DCAF5: variants seen among roughly 807,000 people sequenced by gnomAD.
The protein encoded by DCAF5 is DDB1- and CUL4-associated factor 5.
A neutral mutation model predicts 80.7 loss-of-function variants in DCAF5; 9 were observed. That is an observed-to-expected ratio of 0.11 (90% CI 0.07 to 0.19). DCAF5 has a LOEUF of 0.19. Ranked by LOEUF, DCAF5 falls within the 10% of genes least tolerant of loss-of-function variation. The pLI is 1.00. For synonymous variants in DCAF5, 433 were observed against 461.9 expected, an observed-to-expected ratio of 0.94 and a Z score of 0.80; for missense variants, 842 against 1,205.7, an observed-to-expected ratio of 0.70 and a Z score of 4.47.
At chr14:69,086,215 G>A (rs1003661341) in intron 6 of DCAF5, among the ~76,000 whole-genome samples, 4 of 152,038 alleles carry the variant, frequency 2.6e-5, no homozygotes, top group South Asian at 2.1e-4. Context: ...AAAATTAACC[G>A]GGCGTGGTGG....
chr14:69,153,053 C>G lies in DCAF5; in HGVS notation c.-75G>C. 1 of 1,165,138 alleles carries G rather than the reference C, an allele frequency of 8.6e-7. No individual in the cohort carries two copies. The highest frequency in any genetic ancestry group is 1.1e-6 in the Non-Finnish European group (1 of 880,544). 72.2% of individuals were successfully genotyped at this position (1,165,138 alleles called of 1,614,324 possible). On this transcript the variant is annotated 5_prime_UTR_variant, in exon 1 of 9. Coordinates refer to ENST00000341516, the MANE Select transcript of DCAF5 (RefSeq NM_003861.3). ...CACGCGCGGCCGCTGCTCCCCCCAC[C>G]CGGCCCTCCCCCCGCGCTGCGATCC...
chr14:69,114,255 T>C (rs1420181674), intron 5 of DCAF5, among the ~76,000 whole-genome samples: 4 of 152,164 alleles, frequency 2.6e-5, no homozygotes, highest in Admixed American at 2.6e-4. Flanking sequence ...AAAGTAGGCC[T>C]GGTTATAAAG....
chr14:69,136,499 G>A (rs539278685), intron 1 of DCAF5, among the ~76,000 whole-genome samples: 1 of 152,086 alleles, frequency 6.6e-6, no homozygotes, highest in African/African-American at 2.4e-5. Flanking sequence ...GATACACACA[G>A]ATTTGAGAAA....
Position 69,055,143 on chromosome 14 carries a change from C to T in DCAF5, c.1543G>A (p.Ala515Thr). 1 of 1,614,236 alleles carries T rather than the reference C, an allele frequency of 6.2e-7. No homozygotes were observed. The highest frequency in any genetic ancestry group is 8.5e-7 in the Non-Finnish European group (1 of 1,180,050). The change falls in exon 9 of 9, where the codon GCT becomes ACT. Residue 515 changes from alanine (A) to threonine (T), a missense_variant. By Grantham distance (58) the Ala-to-Thr change is moderately conservative (BLOSUM62 0). This residue lies in a region of DCAF5 where 607 missense variants were observed against 656.6 expected (regional missense o/e 0.92). Transcript: ENST00000341516. The surrounding 1 kb of genome is among the most constrained non-coding windows in gnomAD (Gnocchi z 5.6). Reference sequence around the variant, plus strand: ...CGTTTGTCTTGGTAGCGCCGCAGAGCAGACAGACGCTGCTGGCGAGAGGCT... The same window carrying T: ...CGTTTGTCTTGGTAGCGCCGCAGAGTAGACAGACGCTGCTGGCGAGAGGCT... Reference protein sequence around the residue: ...DAASRQQRLSALRRYQDKRLL... With the variant: ...DAASRQQRLSTLRRYQDKRLL...
chr14:69,076,110 T>C (rs1404760934), intron 6 of DCAF5, among the ~76,000 whole-genome samples: 4 of 150,794 alleles, frequency 2.7e-5, no homozygotes, highest in African/African-American at 9.8e-5. Context: ...TTAGGATGAC[T>C]ATTACCAAAA....
intron 5 of DCAF5, among the ~76,000 whole-genome samples, chr14:69,112,592 TATACACACAC>T (rs986150786): frequency 2.4e-5 from 2 of 84,896 alleles, no homozygotes; most frequent in African/African-American, 1.1e-4. Flanking sequence ...GATATATATG[TATACACACAC>T]ACACACACAC....
intron 7 of DCAF5, among the ~76,000 whole-genome samples, chr14:69,072,404 C>T (rs2139888748): frequency 6.6e-6 from 1 of 151,138 alleles, no homozygotes; most frequent in East Asian, 1.9e-4. Flanking sequence ...TAAAAAAGAA[C>T]AAGAAGGAAG....
intron 1 of DCAF5, among the ~76,000 whole-genome samples, chr14:69,132,101 A>G (rs1206928899): frequency 6.6e-6 from 1 of 152,224 alleles, no homozygotes; most frequent in Non-Finnish European, 1.5e-5. Context: ...CACTATGAAC[A>G]TTAGTGTACA....
At chr14:69,096,434 T>C (rs760081032) in intron 5 of DCAF5, among the ~76,000 whole-genome samples, 1 of 152,244 alleles carries the variant, frequency 6.6e-6, no homozygotes, top group Non-Finnish European at 1.5e-5. Flanking sequence ...TGAATCTCCA[T>C]AAATTTAAGT....
chr14:69,120,184 A>G (rs1566772493), intron 2 of DCAF5, among the ~76,000 whole-genome samples: 1 of 152,084 alleles, frequency 6.6e-6, no homozygotes, highest in Non-Finnish European at 1.5e-5. Flanking sequence ...CCTGTGCTCA[A>G]GCAATCTTCC....
At chr14:69,078,189 C>G (rs934762086) in intron 6 of DCAF5, among the ~76,000 whole-genome samples, 1 of 152,100 alleles carries the variant, frequency 6.6e-6, no homozygotes, top group Non-Finnish European at 1.5e-5. Context: ...AAAGAAAAAA[C>G]AACATGATTT....
At chr14:69,095,057 T>A (rs1206835843) in intron 5 of DCAF5, among the ~76,000 whole-genome samples, 1 of 152,194 alleles carries the variant, frequency 6.6e-6, no homozygotes, top group Non-Finnish European at 1.5e-5. Flanking sequence ...CTCATGTCTG[T>A]TCGCAGAAGG....
chr14:69,122,212 T>C lies in DCAF5; in HGVS notation c.358+5A>G. 1 of 1,611,550 alleles carries C rather than the reference T, an allele frequency of 6.2e-7. No individual in the cohort carries two copies. The highest frequency in any genetic ancestry group is 8.5e-7 in the Non-Finnish European group (1 of 1,178,008). On this transcript the variant is annotated splice_donor_5th_base_variant and intron_variant, in intron 2 of 8. Transcript: ENST00000341516. ...ACGTTCCCAAGGTAGAATCTCCCTT[T>C]TTACCTCCAGAGAACACTTTAGTGT...
chr14:69,077,356 G>A (rs892466093), intron 6 of DCAF5, among the ~76,000 whole-genome samples: 6 of 135,278 alleles, frequency 4.4e-5, no homozygotes, highest in South Asian at 2.6e-4. Flanking sequence ...CATGCACCAC[G>A]ACATGTAGCT....
chr14:69,087,303 C>T (rs1187981369), intron 6 of DCAF5, among the ~76,000 whole-genome samples: 1 of 152,116 alleles, frequency 6.6e-6, no homozygotes, highest in Non-Finnish European at 1.5e-5. Context: ...GCTTAGAAGA[C>T]AGAATGTACC....
chr14:69,058,017 T>C (rs918269163), intron 8 of DCAF5, among the ~76,000 whole-genome samples: 3 of 152,192 alleles, frequency 2.0e-5, no homozygotes, highest in Non-Finnish European at 4.4e-5. Flanking sequence ...TCTCTTTCAT[T>C]TGGCAATTGA....
intron 5 of DCAF5, among the ~76,000 whole-genome samples, chr14:69,100,387 T>C (rs944164943): frequency 5.3e-5 from 8 of 152,058 alleles, no homozygotes; most frequent in Admixed American, 6.5e-5. Context: ...AACTGACCCA[T>C]AGGATTCTGG....
At chr14:69,096,004 A>T (rs2039699375) in intron 5 of DCAF5, among the ~76,000 whole-genome samples, 1 of 152,188 alleles carries the variant, frequency 6.6e-6, no homozygotes, top group African/African-American at 2.4e-5. Flanking sequence ...TCCCCATCAC[A>T]GTTTCTGATT....
chr14:69,091,826 T>C lies in DCAF5; in HGVS notation c.727A>G (p.Ser243Gly), dbSNP rs1594980118. ...LQSAMSVRFN[S>G]NGTQLLALRR... Reference sequence around the variant, plus strand: ...AGGGCCAGGAGCTGGGTCCCGTTGCTGTTGAATCGTACACTCATGGCACTT... The same window carrying C: ...AGGGCCAGGAGCTGGGTCCCGTTGCCGTTGAATCGTACACTCATGGCACTT... Residue 243 changes from serine (S) to glycine (G), a missense_variant, in exon 6 of 9, where the codon AGC becomes GGC. Around this residue, in one of 5 missense-constraint regions of DCAF5, gnomAD observed 142 missense variants for 311.9 expected, o/e 0.46. Coordinates refer to ENST00000341516, the MANE Select transcript of DCAF5 (RefSeq NM_003861.3). The C allele has an allele frequency of 6.2e-7, 1 of 1,613,982 alleles. No homozygotes were observed. Among genetic ancestry groups the C allele is most frequent in the Admixed American group, 1.7e-5 (1 of 59,998 alleles).
Sources: allele counts gnomAD v4.1 joint callset (sites outside exome capture counted in the v4.1 genomes callset), GRCh38; gene constraint gnomAD v4.1.1; regional missense constraint gnomAD v4.1.1; non-coding constraint Gnocchi (gnomAD v3.1); transcripts MANE v1.5; gene names NCBI Gene and HGNC (gene_info 2026-07-23, HGNC 2026-07-21).